Variants in CENPU observed in about 807,000 individuals in gnomAD.
CENPU encodes the protein KSHV latent nuclear antigen interacting protein 1.
A neutral mutation model predicts 56.7 loss-of-function variants in CENPU; 46 were observed. The observed-to-expected ratio is 0.81, with a 90% CI of 0.64 to 1.04. The LOEUF (loss-of-function observed/expected upper bound fraction) is 1.04, where lower values mean the gene tolerates loss of function less well. Ranked by LOEUF, CENPU falls within the 50% of genes least tolerant of loss-of-function variation. The probability of loss-of-function intolerance (pLI) is 0.00; values close to 1 mark genes in which losing one functional copy is unlikely to be tolerated. For missense variants in CENPU, 510 were observed against 490.1 expected, an observed-to-expected ratio of 1.04 and a Z score of -0.38; for synonymous variants, 166 against 163.0, an observed-to-expected ratio of 1.02 and a Z score of -0.14.
intron 3 of CENPU, among the ~76,000 whole-genome samples, chr4:184,727,187 A>C (rs939439790): frequency 1.3e-5 from 2 of 152,098 alleles, no homozygotes; most frequent in African/African-American, 4.8e-5. Context: ...ATGCTAAATG[A>C]AATAAGCCAG....
At chr4:184,722,191 A>G (rs1196073240) in intron 4 of CENPU, among the ~76,000 whole-genome samples, 1 of 152,204 alleles carries the variant, frequency 6.6e-6, no homozygotes, top group South Asian at 2.1e-4. Flanking sequence ...CCTGAGACAA[A>G]TGATAATGGA....
At chr4:184,698,474 G>A (rs1270464762) in intron 11 of CENPU, among the ~76,000 whole-genome samples, 1 of 152,092 alleles carries the variant, frequency 6.6e-6, no homozygotes, top group Non-Finnish European at 1.5e-5. Flanking sequence ...TTTTGAGACA[G>A]AGTCTTGCTC....
intron 10 of CENPU, among the ~76,000 whole-genome samples, chr4:184,701,860 A>G (rs1313107280): frequency 6.6e-6 from 1 of 152,164 alleles, no homozygotes; most frequent in Non-Finnish European, 1.5e-5. Flanking sequence ...AAAAACAATT[A>G]TTTTGACACT....
At chr4:184,714,462 T>G (rs1427705156) in intron 6 of CENPU, among the ~76,000 whole-genome samples, 1 of 152,098 alleles carries the variant, frequency 6.6e-6, no homozygotes, top group Non-Finnish European at 1.5e-5. Flanking sequence ...GTAAAACATA[T>G]GACAAAACAG....
chr4:184,717,321 T>A, intron 4 of CENPU, 125 bp from the exon 5 acceptor site: 1 of 701,468 alleles, frequency 1.4e-6, no homozygotes, highest in Non-Finnish European at 2.4e-6. Flanking sequence ...ATTTGTCACA[T>A]ACAAGTCTGC....
chr4:184,723,434 A>G (rs1235349175), intron 4 of CENPU, among the ~76,000 whole-genome samples: 1 of 152,162 alleles, frequency 6.6e-6, no homozygotes, highest in Admixed American at 6.5e-5. Flanking sequence ...ATATTTTTAA[A>G]CCATGTGAAG....
chr4:184,702,602 G>C (rs1378536243), intron 8 of CENPU, 161 bp from the exon 9 acceptor site: 9 of 509,396 alleles, frequency 1.8e-5, no homozygotes, highest in Non-Finnish European at 2.7e-5. Context: ...CAATGTTTTA[G>C]ATTAAGGGGT....
rs752892488 is a variant in CENPU at position 184,710,068 on chromosome 4, T to C, written c.797+4A>G. ...TAAATATAGCACATCATCAAAAGAC[T>C]TACTGATGCTCTAGGTGGGTTTTCT... On this transcript the variant is annotated splice_donor_region_variant and intron_variant, in intron 8 of 12. Coordinates refer to ENST00000281453, the MANE Select transcript of CENPU (RefSeq NM_024629.4). 6.4e-7 allele frequency: 1 copy of C among 1,566,160 alleles called. No homozygotes were observed. The highest frequency in any genetic ancestry group is 8.8e-7 in the Non-Finnish European group (1 of 1,138,668).
At chr4:184,721,193 A>C (rs1367745885) in intron 4 of CENPU, among the ~76,000 whole-genome samples, 1 of 152,150 alleles carries the variant, frequency 6.6e-6, no homozygotes, top group Non-Finnish European at 1.5e-5. Flanking sequence ...ATGGCATAAA[A>C]TAATGGGTTA....
intron 3 of CENPU, among the ~76,000 whole-genome samples, chr4:184,726,702 TCA>T (rs1415468710): frequency 2.6e-5 from 4 of 151,964 alleles, no homozygotes; most frequent in Admixed American, 1.3e-4. Context: ...GCAGAATTAT[TCA>T]CAGTCAAAAA....
At chr4:184,699,277 C>A (rs1760448401) in intron 11 of CENPU, among the ~76,000 whole-genome samples, 1 of 152,010 alleles carries the variant, frequency 6.6e-6, no homozygotes, top group South Asian at 2.1e-4. Flanking sequence ...TTGCAGTGAG[C>A]CAAGATAGCG....
chr4:184,731,508 A>C (rs1200648855), intron 1 of CENPU, among the ~76,000 whole-genome samples: 3 of 152,238 alleles, frequency 2.0e-5, no homozygotes, highest in Non-Finnish European at 4.4e-5. Context: ...AAAGTTGTAT[A>C]TATATCTTCA....
At chr4:184,705,712 C>T (rs1425284939) in intron 8 of CENPU, among the ~76,000 whole-genome samples, 1 of 152,136 alleles carries the variant, frequency 6.6e-6, no homozygotes, top group Admixed American at 6.5e-5. Context: ...CAAGTGTCAA[C>T]TGATGAATGA....
intron 8 of CENPU, among the ~76,000 whole-genome samples, chr4:184,706,645 A>G (rs1318836225): frequency 6.6e-6 from 1 of 152,250 alleles, no homozygotes; most frequent in Non-Finnish European, 1.5e-5. Context: ...TAGGTACAGG[A>G]TATTACAAAC....
intron 1 of CENPU, 69 bp from the exon 2 acceptor site, chr4:184,731,037 G>T (rs1219864801): frequency 1.1e-5 from 12 of 1,104,408 alleles, no homozygotes; most frequent in Admixed American, 6.6e-5. Context: ...CCATAGTTAT[G>T]ACCCTTTCCG....
Position 184,694,497 on chromosome 4 carries a change from C to T in CENPU, c.*791G>A. The T allele has an allele frequency of 6.2e-7, 1 of 1,604,582 alleles. No homozygotes were observed. The highest frequency in any genetic ancestry group is 8.5e-7 in the Non-Finnish European group (1 of 1,173,046). On this transcript the variant is annotated 3_prime_UTR_variant, in exon 13 of 13. Transcript: ENST00000281453. Reference sequence around the variant, plus strand: ...AGTAAATATTTTCCTATCCCACTCTCTATCCCTTCACCACTGAAATAAAGG... The same window carrying T: ...AGTAAATATTTTCCTATCCCACTCTTTATCCCTTCACCACTGAAATAAAGG...
At position 184,694,232 on chromosome 4, in the gene CENPU, A is replaced by G. The variant is rs1759899576; in HGVS notation, c.*1056T>C. 9.0e-7 allele frequency: 1 copy of G among 1,105,806 alleles called. No homozygotes were observed. The highest frequency in any genetic ancestry group is 4.5e-5 in the Admixed American group (1 of 22,426). 68.5% of individuals were successfully genotyped at this position (1,105,806 alleles called of 1,614,324 possible). The stretch of plus-strand genomic sequence containing the variant: ...CAGCTGGACTGTCCACTTGTTAAAA[A>G]ATTAAATCCACCCTTGCTCTTCCGT... On this transcript the variant is annotated 3_prime_UTR_variant, in exon 13 of 13. Transcript: ENST00000281453.
rs1384605371 is a variant in CENPU, at chr4:184,700,799, C to T, written c.986+21G>A. 3.7e-6 allele frequency: 6 copies of T among 1,606,696 alleles called. No individual in the cohort carries two copies. In the African/African-American group the frequency reaches 8.0e-5, roughly 21 times the overall value. ...ACATCCTTTTAGGTAAGTGCTCAAA[C>T]AGGATTTGACAGTATCTTACCGAAG... is the stretch of plus-strand genomic sequence containing the variant. On this transcript the variant is annotated intron_variant, in intron 11 of 12. Transcript: ENST00000281453.
At chr4:184,717,716 G>C (rs1312477887) in intron 4 of CENPU, among the ~76,000 whole-genome samples, 1 of 152,164 alleles carries the variant, frequency 6.6e-6, no homozygotes, top group African/African-American at 2.4e-5. Flanking sequence ...TCCTTCAAAG[G>C]GTTCACTGTC....
Sources: gnomAD v4.1 joint callset for allele counts (sites outside exome capture counted in the v4.1 genomes callset) on GRCh38, gnomAD v4.1.1 for gene constraint, MANE v1.5 for transcripts, NCBI Gene and HGNC (gene_info 2026-07-23, HGNC 2026-07-21) for gene names.